ANKS1B: variants seen among roughly 807,000 people sequenced by gnomAD.
ANKS1B encodes ankyrin repeat and sterile alpha motif domain containing 1B, also known as ankyrin repeat and sterile alpha motif domain-containing protein 1B.
ANKS1B carries 36 observed loss-of-function variants against 148.3 expected under a neutral mutation model. The ratio of observed to expected loss-of-function variants is 0.24; its 90% CI spans 0.19 to 0.32. The LOEUF is 0.32. Ranked by LOEUF, ANKS1B falls within the 10% of genes least tolerant of loss-of-function variation. The probability of loss-of-function intolerance (pLI) is 1.00; values close to 1 mark genes in which losing one functional copy is unlikely to be tolerated. For synonymous variants in ANKS1B, 542 were observed against 560.8 expected (o/e 0.97, Z 0.47); for missense variants, 1,157 against 1,542.6 (o/e 0.75, Z 4.19).
chr12:99,675,220 G>C (rs1342210517), intron 8 of ANKS1B, among the ~76,000 whole-genome samples: 1 of 151,914 alleles, frequency 6.6e-6, no homozygotes, highest in Non-Finnish European at 1.5e-5. Flanking sequence ...TCCACTTCTA[G>C]TTATCTATAC....
intron 17 of ANKS1B, chr12:98,949,735 C>G (rs1253617806): frequency 6.6e-6 from 1 of 152,212 alleles, no homozygotes; most frequent in Non-Finnish European, 1.5e-5. Flanking sequence ...GCTATTTCTG[C>G]TGTTGCTGCA....
chr12:99,364,003 G>A (rs2092630116), intron 12 of ANKS1B, among the ~76,000 whole-genome samples: 2 of 152,050 alleles, frequency 1.3e-5, no homozygotes, highest in African/African-American at 2.4e-5. Flanking sequence ...CAAGGGGAGG[G>A]CTCTGAAGCC....
intron 9 of ANKS1B, among the ~76,000 whole-genome samples, chr12:99,565,203 G>A (rs1267206113): frequency 6.6e-6 from 1 of 152,066 alleles, no homozygotes; most frequent in Non-Finnish European, 1.5e-5. Context: ...TTATTCATTG[G>A]GCACTATGTG....
chr12:99,448,702 T>TA (rs1288384593), intron 10 of ANKS1B, among the ~76,000 whole-genome samples: 2 of 152,098 alleles, frequency 1.3e-5, no homozygotes, highest in African/African-American at 4.8e-5. Flanking sequence ...TTTGTCTATT[T>TA]AAAAATAATT....
At chr12:99,889,765 T>C (rs2093002464) in intron 1 of ANKS1B, among the ~76,000 whole-genome samples, 1 of 152,190 alleles carries the variant, frequency 6.6e-6, no homozygotes, top group Non-Finnish European at 1.5e-5. Context: ...AGTCAATTAA[T>C]AGAATCTACA....
At chr12:98,901,645 G>GT (rs1172329330) in intron 17 of ANKS1B, among the ~76,000 whole-genome samples, 1 of 152,172 alleles carries the variant, frequency 6.6e-6, no homozygotes, top group East Asian at 1.9e-4. Context: ...ATGAATAAAT[G>GT]TTAGCATATG....
chr12:99,146,032 T>C (rs998791803), intron 15 of ANKS1B, among the ~76,000 whole-genome samples: 6 of 152,106 alleles, frequency 3.9e-5, no homozygotes, highest in South Asian at 2.1e-4. Context: ...TATAGAATTA[T>C]ATGAAACTAT....
At chr12:99,980,594 C>T (rs2095686695) in intron 1 of ANKS1B, among the ~76,000 whole-genome samples, 1 of 152,064 alleles carries the variant, frequency 6.6e-6, no homozygotes, top group South Asian at 2.1e-4. Flanking sequence ...AGTCACCATA[C>T]TTTAAGAGGG....
At chr12:99,956,601 C>T (rs1213071562) in intron 1 of ANKS1B, among the ~76,000 whole-genome samples, 2 of 152,084 alleles carry the variant, frequency 1.3e-5, no homozygotes, top group Non-Finnish European at 2.9e-5. Context: ...CAGACATAGC[C>T]CACCAGTATG....
chr12:98,876,193 C>T (rs2099689193), intron 17 of ANKS1B, among the ~76,000 whole-genome samples: 1 of 152,196 alleles, frequency 6.6e-6, no homozygotes, highest in Non-Finnish European at 1.5e-5. Context: ...CTCTTCCTCA[C>T]ACTCACTCAT....
intron 12 of ANKS1B, among the ~76,000 whole-genome samples, chr12:99,275,665 A>C (rs1213131074): frequency 6.6e-6 from 1 of 152,212 alleles, no homozygotes; most frequent in Non-Finnish European, 1.5e-5. Context: ...GAGTGCATTT[A>C]TCTCTTCAGT....
At chr12:99,495,125 A>G (rs1490995834) in intron 10 of ANKS1B, among the ~76,000 whole-genome samples, 6 of 152,214 alleles carry the variant, frequency 3.9e-5, no homozygotes, top group African/African-American at 1.4e-4. Flanking sequence ...TGAACTTATG[A>G]ATTAATGAAT....
Position 99,754,824 on chromosome 12 carries a change from G to T in ANKS1B, c.1128+18098C>A, listed in dbSNP as rs554256586. Reference sequence around the variant, plus strand: ...ATGAGAACAAAGATACAACATACCAGAATCTCTGGGACACAGCTCAGGCAC... The same window carrying T: ...ATGAGAACAAAGATACAACATACCATAATCTCTGGGACACAGCTCAGGCAC... On this transcript the variant is annotated intron_variant, in intron 8 of 26. Coordinates refer to ENST00000683438, the MANE Select transcript of ANKS1B (RefSeq NM_001352186.2). Among the ~76,000 whole-genome samples, 52 of 152,202 alleles carry T rather than the reference G, an allele frequency of 3.4e-4. 1 individual carries two copies. The East Asian group carries it at 9.9e-3, about 29-fold the overall frequency.
chr12:99,673,865 A>T (rs1206396397), intron 8 of ANKS1B, among the ~76,000 whole-genome samples: 1 of 151,700 alleles, frequency 6.6e-6, no homozygotes, highest in Non-Finnish European at 1.5e-5. Flanking sequence ...AAACAATTAC[A>T]TATTTATAGA....
At chr12:99,885,733 T>C (rs1475535174) in intron 1 of ANKS1B, among the ~76,000 whole-genome samples, 2 of 152,160 alleles carry the variant, frequency 1.3e-5, no homozygotes, top group East Asian at 3.9e-4. Context: ...GTATGTAGTT[T>C]TTTTATCCCT....
At chr12:99,138,122 T>C (rs892822916) in intron 15 of ANKS1B, among the ~76,000 whole-genome samples, 5 of 152,192 alleles carry the variant, frequency 3.3e-5, no homozygotes, top group African/African-American at 1.2e-4. Flanking sequence ...AAGTGGAAAC[T>C]AAGCAAATGT....
intron 9 of ANKS1B, among the ~76,000 whole-genome samples, chr12:99,576,008 T>TCTTAA (rs2097515405): frequency 6.6e-6 from 1 of 151,968 alleles, no homozygotes; most frequent in African/African-American, 2.4e-5. Context: ...GAGACCCATC[T>TCTTAA]CACATGCAAT....
rs114594020 is a variant in ANKS1B at position 98,879,009 on chromosome 12, C to T, written c.2779-46873G>A. ...TATTGCATACTGTCTGTGTGATTGG[C>T]GCCTTCTGGAGTTGTGCAGAAGACA... On this transcript the variant is annotated intron_variant, in intron 17 of 26. Coordinates refer to ENST00000683438, the MANE Select transcript of ANKS1B (RefSeq NM_001352186.2). Among the ~76,000 whole-genome samples, 390 of 152,284 alleles carry T rather than the reference C, an allele frequency of 2.6e-3. 5 individuals are homozygous for T. The highest frequency in any genetic ancestry group is 8.7e-3 in the African/African-American group (362 of 41,550).
intron 12 of ANKS1B, among the ~76,000 whole-genome samples, chr12:99,251,572 T>C (rs889029241): frequency 4.6e-5 from 7 of 152,214 alleles, no homozygotes; most frequent in Non-Finnish European, 4.4e-5. Context: ...TCCAATCTGA[T>C]AGTTATTCAA....
Sources: allele counts gnomAD v4.1 joint callset (sites outside exome capture counted in the v4.1 genomes callset), GRCh38; gene constraint gnomAD v4.1.1; transcripts MANE v1.5; gene names NCBI Gene and HGNC (gene_info 2026-07-23, HGNC 2026-07-21).